Variants in SUCLG2 observed in about 807,000 individuals in gnomAD.
The protein encoded by SUCLG2 is succinate-CoA ligase GDP-forming subunit beta, also known as succinate--CoA ligase [GDP-forming] subunit beta, mitochondrial.
Under a neutral mutation model 47.9 loss-of-function variants are expected in SUCLG2, and 42 were observed. That is an observed-to-expected ratio of 0.88 (90% CI 0.69 to 1.14). The LOEUF (loss-of-function observed/expected upper bound fraction) is 1.14, where lower values mean the gene tolerates loss of function less well. SUCLG2 is among the 50% of genes most tolerant of loss of function. The pLI, the probability that SUCLG2 is intolerant of heterozygous loss-of-function variation, is 0.00. For missense variants in SUCLG2, 571 were observed against 525.9 expected (o/e 1.09, Z -0.84); for synonymous variants, 195 against 197.3 (o/e 0.99, Z 0.10).
At position 67,509,032 on chromosome 3, in the gene SUCLG2, C is replaced by T. The variant is rs953627018; in HGVS notation, c.661-129G>A. ...CAGTTAGGTTTTCTGAAGGGAAAAA[C>T]AGAAAAGCATAATTATTTTAATTTC... On this transcript the variant is annotated intron_variant, in intron 6 of 10. Coordinates refer to ENST00000307227, the MANE Select transcript of SUCLG2 (RefSeq NM_003848.4). 3 of 637,760 alleles carry T rather than the reference C, an allele frequency of 4.7e-6. No individual in the cohort carries two copies. In the African/African-American group the frequency reaches 5.6e-5, roughly 12 times the overall value. 39.5% of individuals were successfully genotyped at this position (637,760 alleles called of 1,614,324 possible).
chr3:67,561,247 T>C (rs767204011), intron 2 of SUCLG2, among the ~76,000 whole-genome samples: 7 of 151,926 alleles, frequency 4.6e-5, no homozygotes, highest in Non-Finnish European at 8.8e-5. Context: ...ACTGTGCCTA[T>C]TATCTTTTTG....
At chr3:67,465,211 T>C (rs578169026) in intron 9 of SUCLG2, among the ~76,000 whole-genome samples, 17 of 152,282 alleles carry the variant, frequency 1.1e-4, no homozygotes, top group African/African-American at 3.6e-4. Flanking sequence ...AAGATTTCAT[T>C]GTTCTGGTGC....
intron 10 of SUCLG2, among the ~76,000 whole-genome samples, chr3:67,360,941 T>A (rs574065962): frequency 1.3e-5 from 2 of 152,332 alleles, no homozygotes; most frequent in African/African-American, 4.8e-5. Context: ...CTTTTTTCCC[T>A]GTCTCTCTCT....
At chr3:67,411,010 C>A (rs4289360) in intron 9 of SUCLG2, among the ~76,000 whole-genome samples, 4 of 152,026 alleles carry the variant, frequency 2.6e-5, no homozygotes, top group Non-Finnish European at 5.9e-5. Context: ...CATGTAAATA[C>A]GTATACTCCA....
At chr3:67,550,670 C>T (rs1255409112) in intron 2 of SUCLG2, among the ~76,000 whole-genome samples, 1 of 152,150 alleles carries the variant, frequency 6.6e-6, no homozygotes, top group Non-Finnish European at 1.5e-5. Flanking sequence ...ACCAAGTTTA[C>T]CATCTGTCTT....
chr3:67,513,964 T>C, intron 6 of SUCLG2: 1 of 214,140 alleles, frequency 4.7e-6, no homozygotes, highest in Middle Eastern at 9.1e-4. Context: ...GTATACTCCA[T>C]CGCGCCTGGC....
rs1444483675 is a variant in SUCLG2, at chr3:67,498,298, A to C, written c.758-3T>G. 1.9e-6 allele frequency: 3 copies of C among 1,608,894 alleles called. No homozygotes were observed. The African/African-American group carries it at 4.1e-5, about 22-fold the overall frequency. On this transcript the variant is annotated splice_region_variant and splice_polypyrimidine_tract_variant and intron_variant, in intron 7 of 10. Transcript: ENST00000307227. ...TATCTTGGCATCAAAACAGACAACT[A>C]AATAAAGAAGAAAACAATCATACTT...
intron 9 of SUCLG2, among the ~76,000 whole-genome samples, chr3:67,425,202 G>A (rs1015314317): frequency 3.3e-5 from 5 of 152,010 alleles, no homozygotes; most frequent in Non-Finnish European, 5.9e-5. Context: ...ACTTGGTATT[G>A]CCTTCTTGTA....
intron 1 of SUCLG2, among the ~76,000 whole-genome samples, chr3:67,651,496 A>T (rs1701284383): frequency 6.6e-6 from 1 of 152,242 alleles, no homozygotes; most frequent in African/African-American, 2.4e-5. Flanking sequence ...TCACTTACAT[A>T]TAATGCTGAG....
At chr3:67,625,192 A>G (rs1019836201) in intron 1 of SUCLG2, among the ~76,000 whole-genome samples, 1 of 152,242 alleles carries the variant, frequency 6.6e-6, no homozygotes, top group African/African-American at 2.4e-5. Context: ...TGTAATGTCA[A>G]GATGACAGTT....
downstream of SUCLG2, among the ~76,000 whole-genome samples, chr3:67,372,399 T>C (rs1701967085): frequency 5.6e-5 from 1 of 17,798 alleles, no homozygotes; most frequent in Non-Finnish European, 1.3e-4. Flanking sequence ...GCAGTCACTT[T>C]TTTTTTTCCT....
intron 1 of SUCLG2, among the ~76,000 whole-genome samples, chr3:67,627,806 C>T (rs530593189): frequency 1.8e-4 from 27 of 152,178 alleles, no homozygotes; most frequent in Non-Finnish European, 3.1e-4. Flanking sequence ...ACTCCCTGAC[C>T]AGCCTTGGAG....
At chr3:67,471,621 T>C (rs9871906) in intron 9 of SUCLG2, among the ~76,000 whole-genome samples, 9,547 of 152,138 alleles carry the variant, frequency 0.063, 499 homozygotes, top group African/African-American at 0.14. Flanking sequence ...TGGGGGAGAA[T>C]ACAAAAAGGT....
At chr3:67,390,326 T>C (rs1702352874) in intron 10 of SUCLG2, among the ~76,000 whole-genome samples, 1 of 152,186 alleles carries the variant, frequency 6.6e-6, no homozygotes, top group African/African-American at 2.4e-5. Context: ...GTATTAAAAA[T>C]ATCCTGATGA....
At chr3:67,650,564 C>T (rs956476026) in intron 1 of SUCLG2, among the ~76,000 whole-genome samples, 1 of 152,108 alleles carries the variant, frequency 6.6e-6, no homozygotes, top group Admixed American at 6.6e-5. Flanking sequence ...TGAGACAAAC[C>T]TGACCAACAT....
At position 67,375,660 on chromosome 3, in the gene SUCLG2, A is replaced by T; in HGVS notation, c.*84T>A. 8 of 1,483,996 alleles carry T rather than the reference A, an allele frequency of 5.4e-6. No individual in the cohort carries two copies. The highest frequency in any genetic ancestry group is 7.2e-6 in the Non-Finnish European group (8 of 1,114,996). 91.9% of individuals were successfully genotyped at this position (1,483,996 alleles called of 1,614,324 possible). On this transcript the variant is annotated 3_prime_UTR_variant, in exon 11 of 11. Coordinates refer to ENST00000307227, the MANE Select transcript of SUCLG2 (RefSeq NM_003848.4). Reference sequence around the variant, plus strand: ...CCCCCTCCCCTTTTCTTCCCCAATGAGATAACCATTTCTTTCACAATGATG... The same window carrying T: ...CCCCCTCCCCTTTTCTTCCCCAATGTGATAACCATTTCTTTCACAATGATG...
At chr3:67,560,959 AAT>A (rs1224243615) in intron 2 of SUCLG2, among the ~76,000 whole-genome samples, 1 of 150,292 alleles carries the variant, frequency 6.7e-6, no homozygotes, top group African/African-American at 2.5e-5. Flanking sequence ...TCACAAAATG[AAT>A]ATAAAACCAG....
intron 2 of SUCLG2, among the ~76,000 whole-genome samples, chr3:67,609,049 T>A (rs1031781128): frequency 3.3e-5 from 5 of 152,140 alleles, no homozygotes; most frequent in African/African-American, 1.2e-4. Flanking sequence ...GACACAGAGG[T>A]GCCTGTGAAT....
chr3:67,530,539 G>C (rs1209463121), intron 2 of SUCLG2, among the ~76,000 whole-genome samples: 4 of 152,306 alleles, frequency 2.6e-5, no homozygotes, highest in African/African-American at 9.6e-5. Flanking sequence ...CAAACGGAAA[G>C]AGCTGTGGAA....
Sources: gnomAD v4.1 joint callset for allele counts (sites outside exome capture counted in the v4.1 genomes callset) on GRCh38, gnomAD v4.1.1 for gene constraint, MANE v1.5 for transcripts, NCBI Gene and HGNC (gene_info 2026-07-23, HGNC 2026-07-21) for gene names.